Variants in OTUD7A observed in about 807,000 individuals in gnomAD.
The protein encoded by OTUD7A is OTU domain-containing protein 7A.
In OTUD7A, 12 loss-of-function variants were observed where a neutral mutation model predicts 65.7. The observed-to-expected ratio is 0.18, with a 90% CI of 0.12 to 0.30. OTUD7A has a LOEUF of 0.30. OTUD7A is among the 10% of genes least tolerant of loss of function. The pLI is 1.00. For synonymous variants in OTUD7A, 641 were observed against 586.3 expected (o/e 1.09, Z -1.35); for missense variants, 1,148 against 1,304.8 (o/e 0.88, Z 1.85).
At chr15:31,678,747 G>A (rs1017225828) in intron 1 of OTUD7A, among the ~76,000 whole-genome samples, 1 of 152,242 alleles carries the variant, frequency 6.6e-6, no homozygotes, top group African/African-American at 2.4e-5. Context: ...CAGGGGCAAA[G>A]CCCTCATGAA....
chr15:31,527,083 A>C, intron 7 of OTUD7A, 98 bp downstream of exon 7: 1 of 1,531,962 alleles, frequency 6.5e-7, no homozygotes, highest in Non-Finnish European at 8.8e-7. Context: ...CCCTCATAAG[A>C]CTGTCTGGGG....
In OTUD7A at chr15:31,479,986, T is replaced by TA. The variant is rs1013574674; in HGVS notation, c.*3307dup. 6.6e-6 allele frequency: 1 copy of TA among 151,996 alleles called. No homozygotes were observed. The highest frequency in any genetic ancestry group is 1.5e-5 in the Non-Finnish European group (1 of 67,994). The allele number at this position is 151,996 out of a possible 1,614,324, so 9.4% of individuals were successfully genotyped here. ...AGAAAAAAGGAAATCAAGCTTTCAA[T>TA]AAAAAAAGACACTGATACATTCCCA... On this transcript the variant is annotated 3_prime_UTR_variant, in exon 13 of 13. Transcript: ENST00000307050.
intron 3 of OTUD7A, among the ~76,000 whole-genome samples, chr15:31,620,309 T>C (rs2141235212): frequency 6.6e-6 from 1 of 152,350 alleles, no homozygotes; most frequent in Middle Eastern, 3.4e-3. Context: ...ATTCCCTCTT[T>C]TTCTATTGAT....
chr15:31,709,225 G>A (rs1187995410), intron 1 of OTUD7A, among the ~76,000 whole-genome samples: 2 of 151,988 alleles, frequency 1.3e-5, no homozygotes, highest in African/African-American at 2.4e-5. Flanking sequence ...GAATCCCCAA[G>A]ACTCAGGGCT....
chr15:31,646,882 T>C (rs1427048485), intron 3 of OTUD7A, among the ~76,000 whole-genome samples: 4 of 152,170 alleles, frequency 2.6e-5, no homozygotes, highest in East Asian at 1.9e-4. Context: ...ATCTACTTAA[T>C]TGATCAGCGT....
intron 1 of OTUD7A, among the ~76,000 whole-genome samples, chr15:31,792,963 C>A (rs1263013065): frequency 6.6e-6 from 1 of 152,160 alleles, no homozygotes; most frequent in East Asian, 1.9e-4. Context: ...AGATGCTCAT[C>A]CTCCTCACCG....
intron 1 of OTUD7A, among the ~76,000 whole-genome samples, chr15:31,832,836 T>C (rs1183583413): frequency 6.6e-6 from 1 of 152,228 alleles, no homozygotes; most frequent in African/African-American, 2.4e-5. Context: ...ATTTTGCTTA[T>C]CCATTCATAG....
At chr15:31,680,274 T>C (rs1434548647) in intron 1 of OTUD7A, among the ~76,000 whole-genome samples, 1 of 152,126 alleles carries the variant, frequency 6.6e-6, no homozygotes, top group Non-Finnish European at 1.5e-5. Context: ...TATAGAATTG[T>C]AACTGTACAA....
At chr15:31,541,184 T>C (rs942101495) in intron 5 of OTUD7A, among the ~76,000 whole-genome samples, 7 of 152,078 alleles carry the variant, frequency 4.6e-5, no homozygotes, top group African/African-American at 1.2e-4. Flanking sequence ...ATTGGTTAGA[T>C]TGTAGTATTA....
At chr15:31,609,287 C>A (rs1890328307) in intron 3 of OTUD7A, among the ~76,000 whole-genome samples, 1 of 152,180 alleles carries the variant, frequency 6.6e-6, no homozygotes, top group African/African-American at 2.4e-5. Flanking sequence ...AACTAAAGCC[C>A]TTTTCTTTTG....
At chr15:31,738,079 A>G (rs1048967087) in intron 1 of OTUD7A, among the ~76,000 whole-genome samples, 1 of 152,180 alleles carries the variant, frequency 6.6e-6, no homozygotes, top group Non-Finnish European at 1.5e-5. Flanking sequence ...TATTTTTGCG[A>G]AAAAATTAAT....
At chr15:31,757,155 CA>C (rs1894838850) in intron 1 of OTUD7A, among the ~76,000 whole-genome samples, 1 of 152,096 alleles carries the variant, frequency 6.6e-6, no homozygotes, top group Non-Finnish European at 1.5e-5. Flanking sequence ...TTCTCTAAGG[CA>C]GAGGCAGATC....
At chr15:31,640,249 T>C (rs1207537210) in intron 3 of OTUD7A, among the ~76,000 whole-genome samples, 3 of 152,240 alleles carry the variant, frequency 2.0e-5, no homozygotes, top group Non-Finnish European at 2.9e-5. Flanking sequence ...GGCAGAAGAA[T>C]GACACAATGG....
At chr15:31,759,823 G>A (rs774630372) in intron 1 of OTUD7A, among the ~76,000 whole-genome samples, 5 of 152,146 alleles carry the variant, frequency 3.3e-5, no homozygotes, top group South Asian at 2.1e-4. Flanking sequence ...CACCACACCC[G>A]GCCAGAGTCA....
intron 3 of OTUD7A, among the ~76,000 whole-genome samples, chr15:31,631,172 T>C (rs1259833457): frequency 1.3e-5 from 2 of 152,238 alleles, no homozygotes; most frequent in Non-Finnish European, 2.9e-5. Flanking sequence ...GATGCAGTTT[T>C]CTTCCTAGCC....
intron 1 of OTUD7A, among the ~76,000 whole-genome samples, chr15:31,726,367 A>T (rs1306443166): frequency 7.2e-6 from 1 of 139,266 alleles, no homozygotes; most frequent in Non-Finnish European, 1.6e-5. Flanking sequence ...ACACACACAC[A>T]CTTTGTGAAA....
intron 10 of OTUD7A, among the ~76,000 whole-genome samples, chr15:31,493,258 GGC>G (rs1353320763): frequency 6.6e-6 from 1 of 151,996 alleles, no homozygotes; most frequent in African/African-American, 2.4e-5. Context: ...TGTCAAAGTA[GGC>G]TCCACAACAT....
At chr15:31,750,231 A>G (rs1894594531) in intron 1 of OTUD7A, among the ~76,000 whole-genome samples, 1 of 151,982 alleles carries the variant, frequency 6.6e-6, no homozygotes, top group Non-Finnish European at 1.5e-5. Flanking sequence ...AACATGGTGA[A>G]AGCCTGTCTC....
At chr15:31,518,297 C>T (rs1168797482) in intron 8 of OTUD7A, among the ~76,000 whole-genome samples, 6 of 151,902 alleles carry the variant, frequency 3.9e-5, no homozygotes, top group Non-Finnish European at 7.4e-5. Context: ...CATGGTGAAA[C>T]CCTGTCTCTA....
Sources: gnomAD v4.1 joint callset for allele counts (sites outside exome capture counted in the v4.1 genomes callset) on GRCh38, gnomAD v4.1.1 for gene constraint, MANE v1.5 for transcripts, NCBI Gene and HGNC (gene_info 2026-07-23, HGNC 2026-07-21) for gene names.